The following TMEM132C variants were observed in gnomAD, a reference collection of about 807,000 sequenced individuals.
TMEM132C encodes protein phosphatase 1, regulatory subunit 152.
Under a neutral mutation model 61.4 loss-of-function variants are expected in TMEM132C, and 29 were observed. The ratio of observed to expected loss-of-function variants is 0.47; its 90% CI spans 0.35 to 0.64. TMEM132C has a LOEUF of 0.64. Ranked by LOEUF, TMEM132C falls within the 30% of genes least tolerant of loss-of-function variation. TMEM132C has a pLI of 0.00. For missense variants in TMEM132C, 1,408 were observed against 1,476.9 expected, an observed-to-expected ratio of 0.95 and a Z score of 0.76; for synonymous variants, 656 against 633.1, an observed-to-expected ratio of 1.04 and a Z score of -0.54.
intron 2 of TMEM132C, among the ~76,000 whole-genome samples, chr12:128,522,945 T>C (rs1376712130): frequency 6.6e-6 from 1 of 152,148 alleles, no homozygotes; most frequent in African/African-American, 2.4e-5. Flanking sequence ...CTCAAAGAGA[T>C]AGTTACACAA....
intron 1 of TMEM132C, among the ~76,000 whole-genome samples, chr12:128,328,218 CAA>C (rs1211293543): frequency 6.6e-6 from 1 of 152,102 alleles, no homozygotes; most frequent in East Asian, 1.9e-4. Flanking sequence ...ACTAGCCCAT[CAA>C]ACTTTAATAT....
At chr12:128,270,666 G>A (rs560732580) in intron 1 of TMEM132C, among the ~76,000 whole-genome samples, 1 of 152,306 alleles carries the variant, frequency 6.6e-6, no homozygotes, top group African/African-American at 2.4e-5. Flanking sequence ...TGATGCTCTT[G>A]TCTTGTCCTG....
At chr12:128,451,826 C>G (rs1376261030) in intron 2 of TMEM132C, among the ~76,000 whole-genome samples, 3 of 151,970 alleles carry the variant, frequency 2.0e-5, no homozygotes, top group Non-Finnish European at 4.4e-5. Context: ...TAAGTGTTAG[C>G]TCTCCACCTT....
At chr12:128,283,369 T>G (rs548462471) in intron 1 of TMEM132C, among the ~76,000 whole-genome samples, 1 of 152,292 alleles carries the variant, frequency 6.6e-6, no homozygotes, top group Admixed American at 6.5e-5. Flanking sequence ...GGAAATGGTA[T>G]TTAGACATCA....
intron 1 of TMEM132C, among the ~76,000 whole-genome samples, chr12:128,343,365 A>G (rs532239115): frequency 6.6e-6 from 1 of 151,118 alleles, no homozygotes; most frequent in Non-Finnish European, 1.5e-5. Context: ...CGGAGGTTGC[A>G]GTGAGCCGAG....
intron 1 of TMEM132C, among the ~76,000 whole-genome samples, chr12:128,355,563 A>T (rs1272659760): frequency 6.6e-6 from 1 of 151,666 alleles, no homozygotes; most frequent in African/African-American, 2.4e-5. Context: ...CCTCTGCTTG[A>T]CACCCTCCAT....
intron 4 of TMEM132C, among the ~76,000 whole-genome samples, chr12:128,617,606 G>A (rs182842058): frequency 9.9e-5 from 15 of 152,152 alleles, no homozygotes; most frequent in African/African-American, 3.6e-4. Context: ...GGCAGATGCA[G>A]AGTCAGGTGG....
At chr12:128,365,634 C>T (rs963368748) in intron 1 of TMEM132C, among the ~76,000 whole-genome samples, 3 of 152,170 alleles carry the variant, frequency 2.0e-5, no homozygotes, top group East Asian at 1.9e-4. Context: ...TGATTTTAGC[C>T]GTGGTTGTTG....
At chr12:128,645,815 A>G (rs76917878) in intron 4 of TMEM132C, among the ~76,000 whole-genome samples, 5,344 of 149,632 alleles carry the variant, frequency 0.036, 312 homozygotes, top group African/African-American at 0.12. Context: ...TGTGTTTACT[A>G]GAGTCCATCG....
chr12:128,270,380 G>A (rs1870468560), intron 1 of TMEM132C, among the ~76,000 whole-genome samples: 1 of 152,170 alleles, frequency 6.6e-6, no homozygotes, highest in South Asian at 2.1e-4. Context: ...GCCTGTAATT[G>A]CACATCGTGC....
chr12:128,536,193 A>G (rs907304852), intron 2 of TMEM132C, among the ~76,000 whole-genome samples: 6 of 152,230 alleles, frequency 3.9e-5, no homozygotes, highest in Non-Finnish European at 8.8e-5. Flanking sequence ...CATATATACC[A>G]TGGAATACTA....
At chr12:128,377,203 C>T (rs554193991) in intron 1 of TMEM132C, among the ~76,000 whole-genome samples, 2 of 152,262 alleles carry the variant, frequency 1.3e-5, no homozygotes, top group East Asian at 3.9e-4. Flanking sequence ...TACAGGCATG[C>T]AGCACCACGC....
intron 3 of TMEM132C, among the ~76,000 whole-genome samples, chr12:128,598,658 C>T (rs536587999): frequency 3.3e-5 from 5 of 152,110 alleles, no homozygotes; most frequent in Non-Finnish European, 7.3e-5. Context: ...GCCTGTTCCT[C>T]CTGGCTTTCT....
In TMEM132C at chr12:128,326,309, C is replaced by G. The variant is rs868108258; in HGVS notation, c.85+58822C>G. ...GCCTCCCTGGGCTCTTCTCCGTGTC[C>G]GATTCTCTGGATATGAGAGTGTTGT... is the stretch of plus-strand genomic sequence containing the variant. On this transcript the variant is annotated intron_variant, in intron 1 of 8. Transcript: ENST00000435159. This position sits in a 1 kb window ranked among gnomAD's most constrained non-coding sequence, Gnocchi z 5.6. Among the ~76,000 whole-genome samples the G allele has an allele frequency of 6.6e-6, 1 of 152,112 alleles. No homozygotes were observed. Among genetic ancestry groups the G allele is most frequent in the Non-Finnish European group, 1.5e-5 (1 of 68,032 alleles).
chr12:128,520,238 C>G (rs771290099), intron 2 of TMEM132C, among the ~76,000 whole-genome samples: 7 of 152,238 alleles, frequency 4.6e-5, no homozygotes, highest in Admixed American at 4.6e-4. Context: ...GTCCACGTAT[C>G]ACCCCTGCAT....
intron 2 of TMEM132C, among the ~76,000 whole-genome samples, chr12:128,454,749 C>G (rs1870288456): frequency 6.6e-6 from 1 of 152,186 alleles, no homozygotes; most frequent in South Asian, 2.1e-4. Flanking sequence ...AGAATCAAAG[C>G]AAAGATAGCA....
At chr12:128,699,865 G>T (rs1325255760) in intron 8 of TMEM132C, among the ~76,000 whole-genome samples, 1 of 152,174 alleles carries the variant, frequency 6.6e-6, no homozygotes, top group Non-Finnish European at 1.5e-5. Context: ...AGGGACCTGG[G>T]GTGCATGCAG....
intron 2 of TMEM132C, among the ~76,000 whole-genome samples, chr12:128,421,759 T>C (rs1398283011): frequency 6.6e-6 from 1 of 152,224 alleles, no homozygotes; most frequent in East Asian, 1.9e-4. Flanking sequence ...ATAACATTAT[T>C]TTGGAAGCCG....
chr12:128,544,178 G>A, intron 3 of TMEM132C, 75 bp downstream of exon 3: 1 of 1,435,156 alleles, frequency 7.0e-7, no homozygotes, highest in Non-Finnish European at 9.2e-7. Context: ...TAAGAGCCTT[G>A]ACTTGGACTC....
Sources: allele counts gnomAD v4.1 joint callset (sites outside exome capture counted in the v4.1 genomes callset), GRCh38; gene constraint gnomAD v4.1.1; non-coding constraint Gnocchi (gnomAD v3.1); transcripts MANE v1.5; gene names NCBI Gene and HGNC (gene_info 2026-07-23, HGNC 2026-07-21).